The following KCNN3 variants were observed in gnomAD, a reference collection of about 807,000 sequenced individuals.
The protein encoded by KCNN3 is potassium calcium-activated channel subfamily N member 3, also known as small conductance calcium-activated potassium channel protein 3.
KCNN3 carries 16 observed loss-of-function variants against 62.9 expected under a neutral mutation model. The ratio of observed to expected loss-of-function variants is 0.25; its 90% confidence interval spans 0.17 to 0.39. The LOEUF (loss-of-function observed/expected upper bound fraction) is 0.39, where lower values mean the gene tolerates loss of function less well. Among genes scored for constraint, KCNN3 ranks in the 10% least tolerant of loss-of-function variants. The pLI, the probability that KCNN3 is intolerant of heterozygous loss-of-function variation, is 1.00. For missense variants in KCNN3, 599 were observed against 949.4 expected (o/e 0.63, Z 4.85); for synonymous variants, 370 against 389.2 (o/e 0.95, Z 0.58).
rs1222818893 is a variant in KCNN3, at chr1:154,698,133, TACCAA to T, written c.*9838_*9842del. 7 of 152,316 alleles carry T rather than the reference TACCAA, an allele frequency of 4.6e-5. No individual in the cohort carries two copies. The highest frequency in any genetic ancestry group is 6.5e-5 in the Admixed American group (1 of 15,292). 9.4% of individuals were successfully genotyped at this position (152,316 alleles called of 1,614,324 possible). On this transcript the variant is annotated 3_prime_UTR_variant, in exon 8 of 8. Coordinates refer to ENST00000271915, the MANE Select transcript of KCNN3 (RefSeq NM_002249.6). Reference sequence around the variant, plus strand: ...TATTTTTGAAAACATTTTTTAGGTCTACCAACTTAGAAAAAGTCCCAGATATTACA... The same window carrying T: ...TATTTTTGAAAACATTTTTTAGGTCTCTTAGAAAAAGTCCCAGATATTACA...
intron 2 of KCNN3, among the ~76,000 whole-genome samples, chr1:154,794,519 G>A (rs1469901397): frequency 2.0e-5 from 3 of 152,198 alleles, no homozygotes; most frequent in African/African-American, 4.8e-5. Flanking sequence ...GACCCTCTGA[G>A]AGGAGAAAAA....
At chr1:154,827,999 G>A (rs557868132) in intron 1 of KCNN3, among the ~76,000 whole-genome samples, 66 of 152,144 alleles carry the variant, frequency 4.3e-4, no homozygotes, top group African/African-American at 1.6e-3. Context: ...CCTGAGACCG[G>A]GAGAGACAGC....
At chr1:154,822,909 T>C (rs994176919) in intron 1 of KCNN3, among the ~76,000 whole-genome samples, 1 of 152,248 alleles carries the variant, frequency 6.6e-6, no homozygotes, top group Admixed American at 6.5e-5. Context: ...GAAGTGTGGT[T>C]AAGGGCATGA....
At position 154,869,722 on chromosome 1, in the gene KCNN3, T is replaced by TGGC. The variant is rs756828006; in HGVS notation, c.240_242dup (p.Pro82dup). The TGGC allele has an allele frequency of 2.4e-6, 1 of 411,838 alleles. No individual in the cohort carries two copies. Among genetic ancestry groups the TGGC allele is most frequent in the African/African-American group, 4.3e-5 (1 of 23,108 alleles). The allele number at this position is 411,838 out of a possible 1,614,324, so 25.5% of individuals were successfully genotyped here. On this transcript the variant is annotated inframe_insertion, in exon 1 of 8. Coordinates refer to ENST00000271915, the MANE Select transcript of KCNN3 (RefSeq NM_002249.6). This position sits in a 1 kb window ranked among gnomAD's most constrained non-coding sequence, Gnocchi z 6.1. The stretch of plus-strand genomic sequence containing the variant: ...GGGCGAGCTGAGACAGGGGATGCGG[T>TGGC]GGCTGCTGCTGCTGCTGCTGCTGCT...
rs777530523 is a variant in KCNN3, at chr1:154,859,712, TCTATAAC to T, written c.933+9313_933+9319del. On this transcript the variant is annotated intron_variant, in intron 1 of 7. Coordinates refer to ENST00000271915, the MANE Select transcript of KCNN3 (RefSeq NM_002249.6). Reference sequence around the variant, plus strand: ...GCACCCACCTTTATAGGTCTCTCCATCTATAACCTGAAGCAAAACACCAAACAACTGT... The same window carrying T: ...GCACCCACCTTTATAGGTCTCTCCATCTGAAGCAAAACACCAAACAACTGT... The T allele has an allele frequency of 2.5e-6, 4 of 1,614,046 alleles. No individual in the cohort carries two copies. In the African/African-American group the frequency reaches 5.3e-5, roughly 22 times the overall value.
intron 1 of KCNN3, among the ~76,000 whole-genome samples, chr1:154,834,625 A>G (rs1454846266): frequency 6.6e-6 from 1 of 152,208 alleles, no homozygotes; most frequent in African/African-American, 2.4e-5. Flanking sequence ...CACAGATTCA[A>G]ACTCTACAAG....
At chr1:154,764,235 C>T (rs1648154745) in intron 3 of KCNN3, among the ~76,000 whole-genome samples, 1 of 152,124 alleles carries the variant, frequency 6.6e-6, no homozygotes. Flanking sequence ...TTCTTTCATA[C>T]TTTGTATTGA....
intron 1 of KCNN3, among the ~76,000 whole-genome samples, chr1:154,846,250 T>C (rs1274239703): frequency 6.6e-6 from 1 of 152,214 alleles, no homozygotes; most frequent in Non-Finnish European, 1.5e-5. Flanking sequence ...TTACCCTTAC[T>C]TCACAGTGTG....
intron 6 of KCNN3, 113 bp downstream of exon 6, chr1:154,714,763 T>A: frequency 6.9e-7 from 1 of 1,454,936 alleles, no homozygotes; most frequent in Non-Finnish European, 9.6e-7. Context: ...AGTTCACCAC[T>A]CCACTTGTTG....
At position 154,714,547 on chromosome 1, in the gene KCNN3, TGTGTGTGTG is replaced by T. The variant is rs769294387; in HGVS notation, c.1829+320_1829+328del. ...GTTTGTGTGTGGTGTGTGTGGGGTGTGTGTGTGTGGTGTGTGTGTGGTGTGTGTGTGTGG... is the reference window on the plus strand; with the variant it reads ...GTTTGTGTGTGGTGTGTGTGGGGTGTGTGTGTGTGTGGTGTGTGTGTGTGG... On this transcript the variant is annotated intron_variant, in intron 6 of 7. Coordinates refer to ENST00000271915, the MANE Select transcript of KCNN3 (RefSeq NM_002249.6). 9.2e-4 allele frequency among the ~76,000 whole-genome samples: 53 copies of T among 57,658 alleles called. 1 individual carries two copies. Among genetic ancestry groups the T allele is most frequent in the South Asian group, 1.2e-3 (2 of 1,664 alleles). 37.8% of individuals were successfully genotyped at this position (57,658 alleles called of 152,430 possible). A position where few individuals can be genotyped will look rare whatever the true frequency, so the allele number is the denominator to read the frequency against.
rs1336517954 is a variant in KCNN3, at chr1:154,706,540, C to T, written c.*1436G>A. ...CTCATTACACTAAATCTTGATGTTT[C>T]TGAAGTCTCTTGGAGTTTGAGATGT... On this transcript the variant is annotated 3_prime_UTR_variant, in exon 8 of 8. Coordinates refer to ENST00000271915, the MANE Select transcript of KCNN3 (RefSeq NM_002249.6). 2 of 152,172 alleles carry T rather than the reference C, an allele frequency of 1.3e-5. No homozygotes were observed. Among genetic ancestry groups the T allele is most frequent in the African/African-American group, 2.4e-5 (1 of 41,440 alleles). 9.4% of individuals were successfully genotyped at this position (152,172 alleles called of 1,614,324 possible).
At chr1:154,826,494 C>T (rs1440386527) in intron 1 of KCNN3, among the ~76,000 whole-genome samples, 1 of 151,468 alleles carries the variant, frequency 6.6e-6, no homozygotes, top group Non-Finnish European at 1.5e-5. Flanking sequence ...CATGGCAAAG[C>T]CAGGATTTGC....
At position 154,699,205 on chromosome 1, in the gene KCNN3, C is replaced by A. The variant is rs1452208674; in HGVS notation, c.*8771G>T. On this transcript the variant is annotated 3_prime_UTR_variant, in exon 8 of 8. Transcript: ENST00000271915. ...TGACTTTTTTTTTTTTTTTTAATAT[C>A]CTTTACCTTTTTAATAAAAAGTAAA... 1 of 147,072 alleles carries A rather than the reference C, an allele frequency of 6.8e-6. No homozygotes were observed. The highest frequency in any genetic ancestry group is 2.5e-5 in the African/African-American group (1 of 39,678). The allele number at this position is 147,072 out of a possible 1,614,324, so 9.1% of individuals were successfully genotyped here.
intron 5 of KCNN3, among the ~76,000 whole-genome samples, chr1:154,722,709 A>T (rs998614421): frequency 7.1e-6 from 1 of 140,722 alleles, no homozygotes; most frequent in Non-Finnish European, 1.5e-5. Flanking sequence ...TCTAAGGATC[A>T]TGTCTGAGAG....
intron 3 of KCNN3, among the ~76,000 whole-genome samples, chr1:154,769,131 G>A (rs1440953193): frequency 1.3e-5 from 2 of 151,852 alleles, no homozygotes; most frequent in Non-Finnish European, 2.9e-5. Flanking sequence ...TCCATGTAGT[G>A]GATGACATGT....
intron 3 of KCNN3, among the ~76,000 whole-genome samples, chr1:154,747,146 C>A (rs1700954832): frequency 6.6e-6 from 1 of 152,210 alleles, no homozygotes; most frequent in South Asian, 2.1e-4. Context: ...CACTCCACAT[C>A]CAGTGAGTCA....
At chr1:154,842,631 C>A (rs898956237) in intron 1 of KCNN3, among the ~76,000 whole-genome samples, 2 of 10,432 alleles carry the variant, frequency 1.9e-4, no homozygotes, top group Non-Finnish European at 5.2e-4. Flanking sequence ...ATTCAGGGAC[C>A]CCCCCCCCGC....
chr1:154,834,576 T>G (rs1183879383), intron 1 of KCNN3, among the ~76,000 whole-genome samples: 2 of 152,186 alleles, frequency 1.3e-5, no homozygotes, highest in East Asian at 1.9e-4. Context: ...CAGAAGGATC[T>G]CCATGGTTCC....
chr1:154,866,859 T>G (rs1232480099), intron 1 of KCNN3, among the ~76,000 whole-genome samples: 1 of 152,160 alleles, frequency 6.6e-6, no homozygotes, highest in South Asian at 2.1e-4. Flanking sequence ...TCCGCATCTC[T>G]GGGAAAGCCC....
Sources: allele counts gnomAD v4.1 joint callset (sites outside exome capture counted in the v4.1 genomes callset), GRCh38; gene constraint gnomAD v4.1.1; non-coding constraint Gnocchi (gnomAD v3.1); transcripts MANE v1.5; gene names NCBI Gene and HGNC (gene_info 2026-07-23, HGNC 2026-07-21).